The following TENM3 variants were observed in gnomAD, a reference collection of about 807,000 sequenced individuals.
TENM3 encodes teneurin-3.
In TENM3, 63 loss-of-function variants were observed where a neutral mutation model predicts 255.1. The ratio of observed to expected loss-of-function variants is 0.25; its 90% CI spans 0.20 to 0.30. The LOEUF is 0.30. Among genes scored for constraint, TENM3 ranks in the 10% least tolerant of loss-of-function variants. TENM3 has a pLI of 1.00. For missense variants in TENM3, 2,929 were observed against 3,461.1 expected (o/e 0.85, Z 3.86); for synonymous variants, 1,306 against 1,322.3 (o/e 0.99, Z 0.27).
At chr4:182,289,571 T>A (rs1453966133) in intron 1 of TENM3, among the ~76,000 whole-genome samples, 2 of 152,172 alleles carry the variant, frequency 1.3e-5, no homozygotes, top group African/African-American at 4.8e-5. Flanking sequence ...GAGGGAAACA[T>A]TTACTGAAAA....
At chr4:181,848,680 T>A in the TENM3 span, among the ~76,000 whole-genome samples, 1 of 152,172 alleles carries the variant, frequency 6.6e-6, no homozygotes, top group East Asian at 1.9e-4. Context: ...AGTGTAATAA[T>A]ATAATACATA....
intron 3 of TENM3, among the ~76,000 whole-genome samples, chr4:182,370,331 T>G (rs915623378): frequency 1.3e-5 from 2 of 152,222 alleles, no homozygotes; most frequent in Non-Finnish European, 2.9e-5. Flanking sequence ...CAAATAGAAC[T>G]TAAACTAATA....
the TENM3 span, among the ~76,000 whole-genome samples, chr4:181,705,063 A>AAGG: frequency 7.0e-6 from 1 of 142,070 alleles, no homozygotes; most frequent in Non-Finnish European, 1.5e-5. Flanking sequence ...AAAAAAAAAA[A>AAGG]ACAAAAAAGG....
intron 3 of TENM3, among the ~76,000 whole-genome samples, chr4:182,569,561 GAAAAA>G (rs59561269): frequency 2.4e-5 from 3 of 126,194 alleles, no homozygotes; most frequent in African/African-American, 5.3e-5. Context: ...CTCAAAAAAA[GAAAAA>G]AAAAAAAAGA....
the TENM3 span, among the ~76,000 whole-genome samples, chr4:181,822,990 A>C: frequency 6.6e-6 from 1 of 152,218 alleles, no homozygotes; most frequent in African/African-American, 2.4e-5. Flanking sequence ...TCTAAAAAAA[A>C]GGCGGAGGGA....
the TENM3 span, among the ~76,000 whole-genome samples, chr4:181,952,330 G>T: frequency 1.3e-5 from 2 of 152,308 alleles, no homozygotes; most frequent in East Asian, 1.9e-4. Flanking sequence ...ATTTTAGGTA[G>T]ACCTGGAAAT....
the TENM3 span, among the ~76,000 whole-genome samples, chr4:181,598,769 AAT>A: frequency 1.3e-5 from 2 of 152,222 alleles, no homozygotes; most frequent in African/African-American, 4.8e-5. Context: ...CCAGAATGAA[AAT>A]ATGAGTATGA....
At chr4:182,035,400 G>A in the TENM3 span, among the ~76,000 whole-genome samples, 1 of 152,148 alleles carries the variant, frequency 6.6e-6, no homozygotes. Flanking sequence ...ACAATTAATA[G>A]CATTTTTTGG....
Position 182,148,915 on chromosome 4 carries a change from G to C in TENM3, c.-76+4161G>C, listed in dbSNP as rs370547191. Among the ~76,000 whole-genome samples, 215 of 151,962 alleles carry C rather than the reference G, an allele frequency of 1.4e-3. 7 individuals are homozygous for C. The South Asian group carries it at 0.045, about 32-fold the overall frequency. On this transcript the variant is annotated intron_variant, in intron 1 of 2. Coordinates refer to the TENM3 transcript ENST00000512480. Reference sequence around the variant, plus strand: ...TTGTCCCAATCAAATAAAAGATTAGGAGCACAGAATATAAGATTAATATAG... The same window carrying C: ...TTGTCCCAATCAAATAAAAGATTAGCAGCACAGAATATAAGATTAATATAG...
rs1280432888 is a variant in TENM3 at position 182,754,885 on chromosome 4, C to T, written c.4518C>T (p.Asn1506=). 3 of 1,614,028 alleles carry T rather than the reference C, an allele frequency of 1.9e-6. No homozygotes were observed. Among genetic ancestry groups the T allele is most frequent in the Non-Finnish European group, 2.5e-6 (3 of 1,179,892 alleles). ...TGTCAAAGAATAAGCCTTTACTTAACTCTATGAACTTCTATGAAGTTGCGT... is the reference window on the plus strand; with the variant it reads ...TGTCAAAGAATAAGCCTTTACTTAATTCTATGAACTTCTATGAAGTTGCGT... ...RAVSKNKPLL[N]SMNFYEVASP... is the part of the protein sequence containing the mutation. Residue 1506 remains asparagine, a synonymous_variant, in exon 22 of 28, where the codon AAC becomes AAT. Coordinates refer to ENST00000511685, the MANE Select transcript of TENM3 (RefSeq NM_001080477.4). This position sits in a 1 kb window ranked among gnomAD's most constrained non-coding sequence, Gnocchi z 5.1.
the TENM3 span, among the ~76,000 whole-genome samples, chr4:181,945,149 A>C: frequency 2.0e-5 from 3 of 152,052 alleles, 1 homozygote; most frequent in Non-Finnish European, 2.9e-5. Context: ...TTGTTTCAAC[A>C]GGGAAAGATA....
In TENM3 at chr4:182,743,212, A is replaced by G. The variant is rs1346046901; in HGVS notation, c.3422A>G (p.Gln1141Arg). 6.2e-7 allele frequency: 1 copy of G among 1,613,876 alleles called. No individual in the cohort carries two copies. The change falls in exon 19 of 28, where the codon CAG becomes CGG. Residue 1141 changes from glutamine to arginine, a missense_variant. This residue lies in a region of TENM3 where 1,608 missense variants were observed against 1,884.4 expected (regional missense o/e 0.85). Coordinates refer to ENST00000511685, the MANE Select transcript of TENM3 (RefSeq NM_001080477.4). Reference sequence around the variant, plus strand: ...AACGGGGAAAACCAGTTCATCTCCCAGCAGCCTCCAGTCGTGAGTAGCATC... The same window carrying G: ...AACGGGGAAAACCAGTTCATCTCCCGGCAGCCTCCAGTCGTGAGTAGCATC... ...KGNGENQFIS[Q>R]QPPVVSSIMG...
the TENM3 span, among the ~76,000 whole-genome samples, chr4:181,815,184 GCTCACACCT>G: frequency 6.6e-6 from 1 of 152,088 alleles, no homozygotes; most frequent in Admixed American, 6.6e-5. Flanking sequence ...AGGCATGGTG[GCTCACACCT>G]GTAATCCCAG....
intron 23 of TENM3, 121 bp from the exon 24 acceptor site, chr4:182,774,797 A>G (rs1764540546): frequency 1.5e-6 from 1 of 657,318 alleles, no homozygotes; most frequent in East Asian, 2.7e-5. Flanking sequence ...CTAAAAGGAC[A>G]TCATCAGGTA....
chr4:181,502,096 A>T, the TENM3 span, among the ~76,000 whole-genome samples: 2 of 152,180 alleles, frequency 1.3e-5, no homozygotes, highest in African/African-American at 2.4e-5. Flanking sequence ...GTTCTGGGAA[A>T]TTCAGTCAGT....
chr4:182,751,320 G>A (rs558184617), intron 19 of TENM3, among the ~76,000 whole-genome samples: 66 of 152,026 alleles, frequency 4.3e-4, no homozygotes, highest in Middle Eastern at 3.4e-3. Flanking sequence ...CAGGGGGAGG[G>A]TTTTTAGTTT....
At chr4:182,569,561 G>T (rs896268843) in intron 3 of TENM3, among the ~76,000 whole-genome samples, 1 of 126,194 alleles carries the variant, frequency 7.9e-6, no homozygotes, top group Non-Finnish European at 1.8e-5. Context: ...CTCAAAAAAA[G>T]AAAAAAAAAA....
At chr4:181,994,731 C>G in the TENM3 span, among the ~76,000 whole-genome samples, 1 of 151,884 alleles carries the variant, frequency 6.6e-6, no homozygotes, top group Non-Finnish European at 1.5e-5. Flanking sequence ...ATGATTCATC[C>G]TTTTTAACTG....
chr4:182,659,780 C>G (rs1396574809), intron 6 of TENM3, among the ~76,000 whole-genome samples: 1 of 152,214 alleles, frequency 6.6e-6, no homozygotes, highest in East Asian at 1.9e-4. Context: ...TGCCTAAGCC[C>G]CTTCAGTGAC....
Sources: gnomAD v4.1 joint callset for allele counts (sites outside exome capture counted in the v4.1 genomes callset) on GRCh38, gnomAD v4.1.1 for gene constraint, gnomAD v4.1.1 regional missense constraint, Gnocchi (gnomAD v3.1) non-coding constraint, MANE v1.5 for transcripts, NCBI Gene and HGNC (gene_info 2026-07-23, HGNC 2026-07-21) for gene names.